APBA1: variants seen among roughly 807,000 people sequenced by gnomAD.
The protein encoded by APBA1 is amyloid beta precursor protein binding family A member 1.
APBA1 carries 55 observed loss-of-function variants against 86.6 expected under a neutral mutation model. The ratio of observed to expected loss-of-function variants is 0.64; its 90% CI spans 0.51 to 0.80. APBA1 has a LOEUF of 0.80. APBA1 is among the 30% of genes least tolerant of loss of function. The pLI is 0.00. For synonymous variants in APBA1, 511 were observed against 493.9 expected (o/e 1.03, Z -0.46); for missense variants, 1,090 against 1,183.0 (o/e 0.92, Z 1.15).
chr9:69,543,874 T>A (rs1564072451), intron 1 of APBA1, among the ~76,000 whole-genome samples: 1 of 152,238 alleles, frequency 6.6e-6, no homozygotes, highest in African/African-American at 2.4e-5. Context: ...TGGATCACTC[T>A]GCCATCATTG....
At chr9:69,452,024 A>T in intron 9 of APBA1, 98 bp downstream of exon 9, 2 of 1,155,722 alleles carry the variant, frequency 1.7e-6, no homozygotes, top group African/African-American at 1.5e-5. Context: ...GGCACTCCTC[A>T]CCATTGATCT....
Position 69,493,641 on chromosome 9 carries a change from G to A in APBA1, c.1201-17498C>T, listed in dbSNP as rs563834459. 1.8e-3 allele frequency among the ~76,000 whole-genome samples: 269 copies of A among 152,108 alleles called. 1 individual carries two copies. Among genetic ancestry groups the A allele is most frequent in the African/African-American group, 6.0e-3 (250 of 41,490 alleles). ...AAGGCAGGATTTATCATTAGCTTACGTTTCCTCTCCAAGTGCCTCATACAG... is the reference window on the plus strand; with the variant it reads ...AAGGCAGGATTTATCATTAGCTTACATTTCCTCTCCAAGTGCCTCATACAG... On this transcript the variant is annotated intron_variant, in intron 2 of 12. Transcript: ENST00000265381.
chr9:69,662,971 G>T (rs1039279365), intron 1 of APBA1, among the ~76,000 whole-genome samples: 1 of 152,140 alleles, frequency 6.6e-6, no homozygotes, highest in Non-Finnish European at 1.5e-5. Flanking sequence ...TGCATCATTT[G>T]TCCATACCAC....
At chr9:69,536,638 G>A (rs1010014165) in intron 1 of APBA1, among the ~76,000 whole-genome samples, 4 of 149,784 alleles carry the variant, frequency 2.7e-5, no homozygotes, top group Non-Finnish European at 4.5e-5. Context: ...AGGCTGAGGC[G>A]GGCAGATTGA....
rs147099362 is a variant in APBA1, at chr9:69,468,646, T to C, written c.1337-678A>G. 2.8e-3 allele frequency among the ~76,000 whole-genome samples: 427 copies of C among 152,366 alleles called. 2 individuals are homozygous for C. Among genetic ancestry groups the C allele is most frequent in the African/African-American group, 9.5e-3 (397 of 41,580 alleles). On this transcript the variant is annotated intron_variant, in intron 4 of 12. Coordinates refer to ENST00000265381, the MANE Select transcript of APBA1 (RefSeq NM_001163.4). ...AATGTTCTTGGCCTGTGCCCACACA[T>C]AGACAGATTCCAAGGAAAATCAAAT...
intron 4 of APBA1, among the ~76,000 whole-genome samples, chr9:69,470,114 A>G (rs1835343192): frequency 6.6e-6 from 1 of 152,216 alleles, no homozygotes; most frequent in Non-Finnish European, 1.5e-5. Context: ...TATCAGACCT[A>G]AACACCTTTT....
chr9:69,590,224 G>A (rs1822104070), intron 1 of APBA1, among the ~76,000 whole-genome samples: 1 of 152,196 alleles, frequency 6.6e-6, no homozygotes, highest in Non-Finnish European at 1.5e-5. Context: ...GTGGGAACAT[G>A]CTTTACCTAT....
chr9:69,443,881 G>C (rs1017683458), intron 10 of APBA1, among the ~76,000 whole-genome samples: 3 of 152,166 alleles, frequency 2.0e-5, no homozygotes, highest in African/African-American at 7.2e-5. Flanking sequence ...AACAGGGTCA[G>C]CCACAGAACA....
chr9:69,541,288 C>A (rs1419009884), intron 1 of APBA1, among the ~76,000 whole-genome samples: 7 of 130,648 alleles, frequency 5.4e-5, no homozygotes, highest in Non-Finnish European at 1.6e-5. Context: ...TCAGCCGAAC[C>A]ATTTCACATT....
chr9:69,492,293 A>C (rs1409557281), intron 2 of APBA1, among the ~76,000 whole-genome samples: 1 of 152,056 alleles, frequency 6.6e-6, no homozygotes, highest in Admixed American at 6.5e-5. Flanking sequence ...ACTGGTGATA[A>C]TGCACACTAG....
intron 4 of APBA1, among the ~76,000 whole-genome samples, chr9:69,469,483 T>C (rs1171081075): frequency 1.3e-5 from 2 of 152,352 alleles, no homozygotes; most frequent in East Asian, 3.9e-4. Context: ...AAAGCATCTA[T>C]GTAGTAATTA....
Position 69,456,389 on chromosome 9 carries a change from G to T in APBA1, c.1646C>A (p.Ala549Glu). The part of the protein sequence containing the change: ...DHPLRTISYI[A>E]DIGNIVVLMA... The stretch of plus-strand genomic sequence containing the variant: ...CAGCACAACGATGTTCCCAATGTCC[G>T]CAATGTAGGAAATGGTCCTCAGAGG... The change falls in exon 8 of 13, where the codon GCG becomes GAG. Residue 549 changes from alanine to glutamate, a missense_variant. Around this residue, in one of 6 missense-constraint regions of APBA1, gnomAD observed 103 missense variants for 91.9 expected, o/e 1.12. Transcript: ENST00000265381. The T allele has an allele frequency of 1.2e-6, 2 of 1,612,048 alleles. No homozygotes were observed. Among genetic ancestry groups the T allele is most frequent in the East Asian group, 2.2e-5 (1 of 44,850 alleles).
At chr9:69,672,440 C>T (rs1823972714), upstream of APBA1, 1 of 150,786 alleles carries the variant, frequency 6.6e-6, no homozygotes, top group African/African-American at 2.4e-5. Context: ...GTGACGCGCG[C>T]TGGGGCCGGG....
intron 11 of APBA1, among the ~76,000 whole-genome samples, chr9:69,435,604 T>A (rs547361161): frequency 6.6e-6 from 1 of 152,202 alleles, no homozygotes; most frequent in African/African-American, 2.4e-5. Context: ...TTTTGAGAAG[T>A]GTTTGTTCAT....
At chr9:69,447,276 T>A (rs566240391) in intron 10 of APBA1, among the ~76,000 whole-genome samples, 1 of 152,222 alleles carries the variant, frequency 6.6e-6, no homozygotes, top group East Asian at 1.9e-4. Context: ...CTTAACCCCC[T>A]ATCCCCGCTC....
At chr9:69,449,505 C>CATTAATG (rs942953916) in intron 10 of APBA1, 79 bp downstream of exon 10, 3 of 1,292,562 alleles carry the variant, frequency 2.3e-6, no homozygotes, top group Non-Finnish European at 2.2e-6. Context: ...TGTTCATATA[C>CATTAATG]ATTAATGACT....
At chr9:69,650,514 C>T (rs1823478157) in intron 1 of APBA1, among the ~76,000 whole-genome samples, 1 of 152,188 alleles carries the variant, frequency 6.6e-6, no homozygotes, top group Non-Finnish European at 1.5e-5. Flanking sequence ...GAATGCTTAA[C>T]CTTGTTGAAC....
intron 1 of APBA1, among the ~76,000 whole-genome samples, chr9:69,533,026 A>G (rs1836456600): frequency 1.3e-5 from 2 of 152,236 alleles, no homozygotes; most frequent in Admixed American, 6.5e-5. Flanking sequence ...GCCCATCATT[A>G]GGCAATTGGT....
chr9:69,606,117 G>C (rs1822465774), intron 1 of APBA1, among the ~76,000 whole-genome samples: 1 of 152,198 alleles, frequency 6.6e-6, no homozygotes. Context: ...ACTCTGAAAA[G>C]AGCACTAGTA....
Sources: allele counts gnomAD v4.1 joint callset (sites outside exome capture counted in the v4.1 genomes callset), GRCh38; gene constraint gnomAD v4.1.1; regional missense constraint gnomAD v4.1.1; transcripts MANE v1.5; gene names NCBI Gene and HGNC (gene_info 2026-07-23, HGNC 2026-07-21).